The following PRELID2 variants were observed in gnomAD, a reference collection of about 807,000 sequenced individuals.
PRELID2 encodes the protein PRELI domain-containing protein 2.
PRELID2 carries 25 observed loss-of-function variants against 28.4 expected under a neutral mutation model. The observed-to-expected ratio is 0.88, with a 90% confidence interval of 0.64 to 1.23. The LOEUF (loss-of-function observed/expected upper bound fraction) is 1.23, where lower values mean the gene tolerates loss of function less well. Ranked by LOEUF, PRELID2 falls within the 50% of genes most tolerant of loss-of-function variation. PRELID2 has a pLI of 0.00. For synonymous variants in PRELID2, 76 were observed against 71.6 expected (o/e 1.06, Z -0.31); for missense variants, 201 against 214.4 (o/e 0.94, Z 0.39).
chr5:145,392,200 T>C, the PRELID2 span, among the ~76,000 whole-genome samples: 1 of 152,142 alleles, frequency 6.6e-6, no homozygotes, highest in African/African-American at 2.4e-5. Flanking sequence ...GGGTAATTTA[T>C]AAAGAAAAAA....
At chr5:145,425,510 G>A in the PRELID2 span, among the ~76,000 whole-genome samples, 3,610 of 152,208 alleles carry the variant, frequency 0.024, 137 homozygotes, top group African/African-American at 0.082. Context: ...CGATCTAAAT[G>A]CCCATCAATG....
At chr5:145,263,054 A>C in the PRELID2 span, among the ~76,000 whole-genome samples, 1 of 152,136 alleles carries the variant, frequency 6.6e-6, no homozygotes, top group Non-Finnish European at 1.5e-5. Context: ...TATATCAGAC[A>C]AAAACCAACT....
chr5:145,770,854 C>A (rs1758059282), intron 5 of PRELID2, among the ~76,000 whole-genome samples: 1 of 152,038 alleles, frequency 6.6e-6, no homozygotes, highest in Non-Finnish European at 1.5e-5. Context: ...ACGGTTATAA[C>A]AAAATAGTCA....
chr5:145,411,113 G>A, the PRELID2 span, among the ~76,000 whole-genome samples: 4 of 152,114 alleles, frequency 2.6e-5, no homozygotes, highest in South Asian at 2.1e-4. Context: ...AGACATACCC[G>A]AGATTGGGTA....
chr5:145,534,198 A>T (rs774130673), intron 1 of PRELID2, among the ~76,000 whole-genome samples: 6 of 152,062 alleles, frequency 3.9e-5, no homozygotes, highest in Non-Finnish European at 8.8e-5. Flanking sequence ...ATAAGACTTC[A>T]CTAAACAAGC....
intron 1 of PRELID2, among the ~76,000 whole-genome samples, chr5:145,580,561 C>T (rs1041009109): frequency 6.6e-6 from 1 of 152,040 alleles, no homozygotes; most frequent in Non-Finnish European, 1.5e-5. Flanking sequence ...CCATAACACA[C>T]TCCCATCTCT....
At chr5:145,830,120 T>C (rs1755484984) in intron 1 of PRELID2, among the ~76,000 whole-genome samples, 1 of 152,186 alleles carries the variant, frequency 6.6e-6, no homozygotes, top group Non-Finnish European at 1.5e-5. Flanking sequence ...AAAGAGTCAG[T>C]TCATTCATTC....
At chr5:145,617,535 G>A (rs2149649478) in intron 1 of PRELID2, among the ~76,000 whole-genome samples, 1 of 152,192 alleles carries the variant, frequency 6.6e-6, no homozygotes, top group East Asian at 1.9e-4. Flanking sequence ...CAGACATCTT[G>A]GAGGCTTTGT....
chr5:145,570,687 C>T (rs1753008063), intron 1 of PRELID2, among the ~76,000 whole-genome samples: 1 of 152,172 alleles, frequency 6.6e-6, no homozygotes, highest in African/African-American at 2.4e-5. Context: ...CCCACTTGTC[C>T]AGCTATCACT....
At chr5:145,311,166 C>A in the PRELID2 span, among the ~76,000 whole-genome samples, 34 of 152,168 alleles carry the variant, frequency 2.2e-4, 1 homozygote, top group South Asian at 6.4e-3. Flanking sequence ...GGCTCTGCTC[C>A]CCGTGGTCAC....
chr5:145,509,107 G>C (rs1369781606), intron 1 of PRELID2, among the ~76,000 whole-genome samples: 2 of 152,086 alleles, frequency 1.3e-5, no homozygotes, highest in Non-Finnish European at 2.9e-5. Flanking sequence ...TGCATCCTGG[G>C]CTGAAAAAAT....
chr5:145,584,038 A>G (rs994251159), intron 1 of PRELID2, among the ~76,000 whole-genome samples: 4 of 152,156 alleles, frequency 2.6e-5, no homozygotes, highest in African/African-American at 9.7e-5. Flanking sequence ...ACTTCAAACT[A>G]CACTGCAAGG....
chr5:145,686,421 C>T (rs73302049), intron 1 of PRELID2, among the ~76,000 whole-genome samples: 2,978 of 152,222 alleles, frequency 0.02, 86 homozygotes, highest in African/African-American at 0.064. Context: ...TTTCCCCTCA[C>T]CACCCAGCCC....
the PRELID2 span, among the ~76,000 whole-genome samples, chr5:145,365,428 T>C: frequency 7.0e-6 from 1 of 142,488 alleles, no homozygotes; most frequent in African/African-American, 2.5e-5. Flanking sequence ...AATAAAATTT[T>C]ATAAATTTAA....
At chr5:145,543,366 T>G (rs1176752526) in intron 1 of PRELID2, among the ~76,000 whole-genome samples, 1 of 152,144 alleles carries the variant, frequency 6.6e-6, no homozygotes, top group Non-Finnish European at 1.5e-5. Context: ...TTCCAAAATT[T>G]TAGTGTGTTC....
chr5:145,517,190 G>A (rs1752524491), intron 1 of PRELID2, among the ~76,000 whole-genome samples: 1 of 152,104 alleles, frequency 6.6e-6, no homozygotes, highest in East Asian at 1.9e-4. Flanking sequence ...TATCATCAGA[G>A]TGAACAGGCA....
chr5:145,330,240 T>C, the PRELID2 span, among the ~76,000 whole-genome samples: 2 of 152,268 alleles, frequency 1.3e-5, no homozygotes, highest in Middle Eastern at 3.4e-3. Flanking sequence ...TTTTCTTCTG[T>C]TGTTGTGTCT....
At chr5:145,234,025 C>T in the PRELID2 span, among the ~76,000 whole-genome samples, 1 of 152,046 alleles carries the variant, frequency 6.6e-6, no homozygotes, top group African/African-American at 2.4e-5. Context: ...AATAGACACC[C>T]TTATTTGAAT....
At chr5:145,313,771 AC>A in the PRELID2 span, among the ~76,000 whole-genome samples, 1 of 152,184 alleles carries the variant, frequency 6.6e-6, no homozygotes, top group Non-Finnish European at 1.5e-5. Flanking sequence ...GCATTACATT[AC>A]CTAACTAGTT....
Sources: allele counts gnomAD v4.1 joint callset (sites outside exome capture counted in the v4.1 genomes callset), GRCh38; gene constraint gnomAD v4.1.1; transcripts MANE v1.5; gene names NCBI Gene and HGNC (gene_info 2026-07-23, HGNC 2026-07-21).